The following VAPB variants were observed in gnomAD, a reference collection of about 807,000 sequenced individuals.
VAPB encodes VAMP associated protein B and C, also known as vesicle-associated membrane protein-associated protein B/C.
Under a neutral mutation model 25.6 loss-of-function variants are expected in VAPB, and 7 were observed. The observed-to-expected ratio is 0.27, with a 90% CI of 0.16 to 0.51. The LOEUF is 0.51. Ranked by LOEUF, VAPB falls within the 20% of genes least tolerant of loss-of-function variation. The pLI, the probability that VAPB is intolerant of heterozygous loss-of-function variation, is 0.97. For synonymous variants in VAPB, 112 were observed against 109.2 expected (o/e 1.03, Z -0.16); for missense variants, 266 against 301.3 (o/e 0.88, Z 0.87).
At chr20:58,396,996 C>T (rs1351275026) in intron 1 of VAPB, among the ~76,000 whole-genome samples, 4 of 152,116 alleles carry the variant, frequency 2.6e-5, no homozygotes. Flanking sequence ...GGGGTTTGTT[C>T]TTGAGAGAGG....
In VAPB at chr20:58,446,114, A is replaced by G. The variant is rs1420141167; in HGVS notation, c.*1879A>G. 1 of 454,112 alleles carries G rather than the reference A, an allele frequency of 2.2e-6. No homozygotes were observed. The highest frequency in any genetic ancestry group is 4.4e-6 in the Non-Finnish European group (1 of 226,788). 28.1% of individuals were successfully genotyped at this position (454,112 alleles called of 1,614,324 possible). On this transcript the variant is annotated 3_prime_UTR_variant, in exon 6 of 6. Coordinates refer to ENST00000475243, the MANE Select transcript of VAPB (RefSeq NM_004738.5). ...TCCCAGGTACTCACAGAAATGGTGAACAGACTTAGTTGTTACCCAGGCACC... is the reference window on the plus strand; with the variant it reads ...TCCCAGGTACTCACAGAAATGGTGAGCAGACTTAGTTGTTACCCAGGCACC...
At chr20:58,422,845 G>T (rs1342979620) in intron 2 of VAPB, among the ~76,000 whole-genome samples, 1 of 152,170 alleles carries the variant, frequency 6.6e-6, no homozygotes, top group Non-Finnish European at 1.5e-5. Context: ...TTGGTTGCCT[G>T]TGTCCCAAGC....
intron 1 of VAPB, among the ~76,000 whole-genome samples, chr20:58,407,235 A>G (rs753250060): frequency 3.2e-4 from 49 of 152,230 alleles, no homozygotes; most frequent in Non-Finnish European, 6.8e-4. Context: ...CTAGTATTTG[A>G]AGTTCATACA....
At chr20:58,433,220 G>A (rs1988964972) in intron 2 of VAPB, among the ~76,000 whole-genome samples, 1 of 152,178 alleles carries the variant, frequency 6.6e-6, no homozygotes, top group Non-Finnish European at 1.5e-5. Context: ...TGAAAGGGGT[G>A]CTAGACTGCA....
At chr20:58,435,970 CGTT>C (rs1989036361) in intron 3 of VAPB, among the ~76,000 whole-genome samples, 1 of 152,194 alleles carries the variant, frequency 6.6e-6, no homozygotes, top group South Asian at 2.1e-4. Context: ...CTTTTACTGA[CGTT>C]GTGGCTGGGA....
chr20:58,389,358 C>T lies in VAPB; in HGVS notation c.-102C>T. 7.3e-7 allele frequency: 1 copy of T among 1,362,198 alleles called. No individual in the cohort carries two copies. Among genetic ancestry groups the T allele is most frequent in the Non-Finnish European group, 1.0e-6 (1 of 990,490 alleles). 84.4% of individuals were successfully genotyped at this position (1,362,198 alleles called of 1,614,324 possible). A position where few individuals can be genotyped will look rare whatever the true frequency, so the allele number is the denominator to read the frequency against. ...ACCCCCGCCCGTGCCCCGACCGGTCCCCGCCTTTTTGTAAAACTTAAAGCG... is the reference window on the plus strand; with the variant it reads ...ACCCCCGCCCGTGCCCCGACCGGTCTCCGCCTTTTTGTAAAACTTAAAGCG... On this transcript the variant is annotated 5_prime_UTR_variant, in exon 1 of 6. Coordinates refer to ENST00000475243, the MANE Select transcript of VAPB (RefSeq NM_004738.5).
Position 58,421,982 on chromosome 20 carries a change from A to T in VAPB, c.211+3619A>T, listed in dbSNP as rs114530585. Reference sequence around the variant, plus strand: ...TATTTTCTTCAGAACACGGCAGATCACTTATTGGGTCCTTAAAAAAACTCC... The same window carrying T: ...TATTTTCTTCAGAACACGGCAGATCTCTTATTGGGTCCTTAAAAAAACTCC... On this transcript the variant is annotated intron_variant, in intron 2 of 5. Transcript: ENST00000475243. 2.9e-3 allele frequency among the ~76,000 whole-genome samples: 439 copies of T among 152,286 alleles called. 3 individuals carry two copies. The highest frequency in any genetic ancestry group is 0.01 in the African/African-American group (420 of 41,554).
At chr20:58,404,014 A>G (rs955941527) in intron 1 of VAPB, among the ~76,000 whole-genome samples, 5 of 152,164 alleles carry the variant, frequency 3.3e-5, no homozygotes, top group East Asian at 1.9e-4. Context: ...TTAGTATTCT[A>G]TCGTATCCTA....
chr20:58,393,510 A>G (rs1258109137), intron 1 of VAPB, among the ~76,000 whole-genome samples: 3 of 152,134 alleles, frequency 2.0e-5, no homozygotes, highest in Non-Finnish European at 4.4e-5. Context: ...CGAATGAGTC[A>G]CTTTCAAGGC....
chr20:58,403,733 C>T (rs1162600711), intron 1 of VAPB, among the ~76,000 whole-genome samples: 2 of 152,232 alleles, frequency 1.3e-5, no homozygotes, highest in Admixed American at 6.5e-5. Context: ...AAATCTCTAT[C>T]TCCAAGCAAA....
At chr20:58,422,832 A>G (rs1600801109) in intron 2 of VAPB, among the ~76,000 whole-genome samples, 1 of 152,198 alleles carries the variant, frequency 6.6e-6, no homozygotes. Flanking sequence ...TCAGTTATGC[A>G]CATTGGTTGC....
chr20:58,403,125 G>C (rs1271182670), intron 1 of VAPB, among the ~76,000 whole-genome samples: 2 of 152,212 alleles, frequency 1.3e-5, no homozygotes, highest in Non-Finnish European at 2.9e-5. Context: ...TAGACACAGT[G>C]CATTTTGCTC....
chr20:58,418,499 CCCACCCCACA>C, intron 2 of VAPB, 136 bp downstream of exon 2: 2 of 1,173,962 alleles, frequency 1.7e-6, no homozygotes, highest in Non-Finnish European at 2.3e-6. Context: ...CCCACCCCAC[CCCACCCCACA>C]ACCCTCCACC....
Position 58,445,700 on chromosome 20 carries a change from G to T in VAPB, c.*1465G>T, listed in dbSNP as rs1191609293. On this transcript the variant is annotated 3_prime_UTR_variant, in exon 6 of 6. Transcript: ENST00000475243. ...GATTTAACTCTGTGTGTGTGTGTGT[G>T]TGTGTGTGTGTGTGTGTGTGTATTT... 1 of 210,288 alleles carries T rather than the reference G, an allele frequency of 4.8e-6. No homozygotes were observed. The highest frequency in any genetic ancestry group is 3.4e-5 in the Admixed American group (1 of 29,636). 13.0% of individuals were successfully genotyped at this position (210,288 alleles called of 1,614,324 possible). A position where few individuals can be genotyped will look rare whatever the true frequency, so the allele number is the denominator to read the frequency against.
chr20:58,412,576 C>CAA lies in VAPB; in HGVS notation c.59-5622_59-5621dup, dbSNP rs375713162. Among the ~76,000 whole-genome samples the CAA allele has an allele frequency of 4.8e-4, 44 of 90,768 alleles. 2 individuals carry two copies. The highest frequency in any genetic ancestry group is 7.8e-4 in the African/African-American group (17 of 21,776). The allele number at this position is 90,768 out of a possible 152,430, so 59.5% of individuals were successfully genotyped here. A position where few individuals can be genotyped will look rare whatever the true frequency, so the allele number is the denominator to read the frequency against. Reference sequence around the variant, plus strand: ...TGGGTGACAGAGTGAGACTCTGTCTCAAAAAAAAAAAAAAGGTAAAATTAT... The same window carrying CAA: ...TGGGTGACAGAGTGAGACTCTGTCTCAAAAAAAAAAAAAAAAGGTAAAATTAT... On this transcript the variant is annotated intron_variant, in intron 1 of 5. Transcript: ENST00000475243.
chr20:58,430,552 G>T (rs575427995), intron 2 of VAPB, among the ~76,000 whole-genome samples: 12 of 151,702 alleles, frequency 7.9e-5, no homozygotes, highest in Non-Finnish European at 2.9e-5. Context: ...GAGCTGCTGT[G>T]CCTGGCCTGC....
In VAPB at chr20:58,450,814, G is replaced by A; in HGVS notation, c.*6579G>A. The A allele has an allele frequency of 2.2e-6, 1 of 454,066 alleles. No homozygotes were observed. The highest frequency in any genetic ancestry group is 1.6e-5 in the South Asian group (1 of 64,474). 28.1% of individuals were successfully genotyped at this position (454,066 alleles called of 1,614,324 possible). On this transcript the variant is annotated 3_prime_UTR_variant, in exon 6 of 6. Transcript: ENST00000475243. ...TTATGTATTTTTCATTGTATTTGCT[G>A]TTTTGACATGGAAGTAATTTAAAAA...
intron 1 of VAPB, among the ~76,000 whole-genome samples, chr20:58,412,576 C>A (rs904269013): frequency 2.8e-3 from 250 of 90,608 alleles, no homozygotes; most frequent in South Asian, 3.7e-3. Context: ...GACTCTGTCT[C>A]AAAAAAAAAA....
chr20:58,404,558 A>G (rs1988181020), intron 1 of VAPB, among the ~76,000 whole-genome samples: 1 of 152,190 alleles, frequency 6.6e-6, no homozygotes, highest in Non-Finnish European at 1.5e-5. Context: ...AGGAGTTAAG[A>G]GTGTGAACCC....
Sources: gnomAD v4.1 joint callset for allele counts (sites outside exome capture counted in the v4.1 genomes callset) on GRCh38, gnomAD v4.1.1 for gene constraint, MANE v1.5 for transcripts, NCBI Gene and HGNC (gene_info 2026-07-23, HGNC 2026-07-21) for gene names.